Variants in CCSER1 observed in about 807,000 individuals in gnomAD.
CCSER1 encodes the protein coiled-coil serine rich protein 1.
CCSER1 carries 41 observed loss-of-function variants against 82.0 expected under a neutral mutation model. That is an observed-to-expected ratio of 0.50 (90% CI 0.39 to 0.65). CCSER1 has a LOEUF of 0.65. Ranked by LOEUF, CCSER1 falls within the 30% of genes least tolerant of loss-of-function variation. The pLI is 0.00. For missense variants in CCSER1, 1,119 were observed against 1,064.2 expected, an observed-to-expected ratio of 1.05 and a Z score of -0.72; for synonymous variants, 414 against 383.9, an observed-to-expected ratio of 1.08 and a Z score of -0.92.
At chr4:91,454,241 G>T (rs942102752) in intron 10 of CCSER1, among the ~76,000 whole-genome samples, 3 of 152,056 alleles carry the variant, frequency 2.0e-5, no homozygotes, top group African/African-American at 7.2e-5. Flanking sequence ...GGAAAAATCA[G>T]TATGACTGCA....
At chr4:91,001,030 C>T (rs1737988170) in intron 9 of CCSER1, among the ~76,000 whole-genome samples, 1 of 151,980 alleles carries the variant, frequency 6.6e-6, no homozygotes, top group African/African-American at 2.4e-5. Context: ...TTTGCCCTTT[C>T]ACTTGGCTGT....
chr4:90,797,515 G>C (rs960480297), intron 7 of CCSER1, among the ~76,000 whole-genome samples: 6 of 152,104 alleles, frequency 3.9e-5, no homozygotes, highest in African/African-American at 1.4e-4. Context: ...ATTTGATTCT[G>C]TTATGATGTT....
At chr4:91,579,317 AGTG>A (rs1763615308) in intron 10 of CCSER1, among the ~76,000 whole-genome samples, 1 of 151,504 alleles carries the variant, frequency 6.6e-6, no homozygotes, top group Non-Finnish European at 1.5e-5. Flanking sequence ...TAGGACTCCT[AGTG>A]TACCCATCAC....
chr4:90,602,655 T>C (rs1385598095), intron 5 of CCSER1, among the ~76,000 whole-genome samples: 1 of 152,214 alleles, frequency 6.6e-6, no homozygotes, highest in Non-Finnish European at 1.5e-5. Context: ...CAAGTGGATT[T>C]AGACAGTTTA....
At chr4:91,099,338 G>A (rs1200341978) in intron 10 of CCSER1, among the ~76,000 whole-genome samples, 1 of 152,134 alleles carries the variant, frequency 6.6e-6, no homozygotes, top group South Asian at 2.1e-4. Flanking sequence ...GATGAACAGT[G>A]TGAATTTAAG....
chr4:90,317,236 TA>T (rs1165408933), intron 3 of CCSER1, among the ~76,000 whole-genome samples: 2 of 152,136 alleles, frequency 1.3e-5, no homozygotes, highest in Admixed American at 1.3e-4. Context: ...GATTCATATA[TA>T]ATGAACAATA....
chr4:90,688,958 A>C (rs1399334093), intron 6 of CCSER1, among the ~76,000 whole-genome samples: 2 of 152,270 alleles, frequency 1.3e-5, no homozygotes, highest in East Asian at 3.9e-4. Context: ...TAGCTGATAT[A>C]CATATATCTG....
intron 5 of CCSER1, among the ~76,000 whole-genome samples, chr4:90,563,919 C>G (rs1560725653): frequency 6.6e-6 from 1 of 152,206 alleles, no homozygotes; most frequent in Non-Finnish European, 1.5e-5. Context: ...GCTAGCGTTG[C>G]CTTTTCTCTA....
intron 10 of CCSER1, among the ~76,000 whole-genome samples, chr4:91,358,972 G>T (rs111574321): frequency 3.3e-5 from 5 of 152,024 alleles, no homozygotes; most frequent in African/African-American, 1.2e-4. Context: ...AGGACGAGCC[G>T]CAGACAAAAC....
chr4:90,355,490 T>C (rs1465381439), intron 3 of CCSER1, among the ~76,000 whole-genome samples: 1 of 152,026 alleles, frequency 6.6e-6, no homozygotes, highest in African/African-American at 2.4e-5. Flanking sequence ...GTAAGCATTA[T>C]GTATATAAAA....
Position 90,789,681 on chromosome 4 carries a change from G to A in CCSER1, c.2011-26081G>A, listed in dbSNP as rs141017264. ...ATGAAATCTGACAGTTTTAAAAAGG[G>A]GAGTTCACCTGCACTAGCTCTTTCT... On this transcript the variant is annotated intron_variant, in intron 7 of 10. Coordinates refer to ENST00000509176, the MANE Select transcript of CCSER1 (RefSeq NM_001145065.2). Among the ~76,000 whole-genome samples the A allele has an allele frequency of 2.4e-3, 363 of 152,176 alleles. 2 individuals carry two copies. The highest frequency in any genetic ancestry group is 8.3e-3 in the African/African-American group (345 of 41,508).
At position 90,865,956 on chromosome 4, in the gene CCSER1, G is replaced by A. The variant is rs1765680045; in HGVS notation, c.2094+50111G>A. On this transcript the variant is annotated intron_variant, in intron 8 of 10. Transcript: ENST00000509176. ...TTTCAATCATGCTGAAAGGTGAAGGGGAAGCAGGCATGTCTTACATGGTCA... is the reference window on the plus strand; with the variant it reads ...TTTCAATCATGCTGAAAGGTGAAGGAGAAGCAGGCATGTCTTACATGGTCA... Among the ~76,000 whole-genome samples the A allele has an allele frequency of 2.0e-5, 3 of 152,066 alleles. No homozygotes were observed. In the South Asian group the frequency reaches 6.2e-4, roughly 31 times the overall value.
At chr4:91,557,226 T>C (rs77798247) in intron 10 of CCSER1, among the ~76,000 whole-genome samples, 10,564 of 151,372 alleles carry the variant, frequency 0.07, 553 homozygotes, top group South Asian at 0.16. Context: ...TATCCACGTA[T>C]ACAAGTCAAT....
intron 9 of CCSER1, among the ~76,000 whole-genome samples, chr4:90,977,047 T>C (rs2150411700): frequency 6.6e-6 from 1 of 151,750 alleles, no homozygotes; most frequent in Non-Finnish European, 1.5e-5. Context: ...AAAAAATTTG[T>C]TTAAAATGCT....
chr4:91,548,416 G>A (rs560454321), intron 10 of CCSER1, among the ~76,000 whole-genome samples: 1 of 152,070 alleles, frequency 6.6e-6, no homozygotes, highest in South Asian at 2.1e-4. Flanking sequence ...TGCAAAATAA[G>A]TTTTTATTTT....
intron 10 of CCSER1, among the ~76,000 whole-genome samples, chr4:91,245,085 A>G (rs185539945): frequency 6.6e-6 from 1 of 152,180 alleles, no homozygotes; most frequent in East Asian, 1.9e-4. Flanking sequence ...TTGGAAATAC[A>G]TGGTCAGAGG....
intron 4 of CCSER1, among the ~76,000 whole-genome samples, chr4:90,427,983 C>T (rs1004655747): frequency 1.3e-5 from 2 of 151,650 alleles, no homozygotes; most frequent in Non-Finnish European, 3.0e-5. Flanking sequence ...ATTGATGGGT[C>T]CTGCTTGACA....
At chr4:91,510,954 G>A (rs187925239) in intron 10 of CCSER1, among the ~76,000 whole-genome samples, 1 of 152,224 alleles carries the variant, frequency 6.6e-6, no homozygotes, top group East Asian at 1.9e-4. Context: ...GATTTTCATA[G>A]TTTGAGGTCT....
intron 8 of CCSER1, among the ~76,000 whole-genome samples, chr4:90,916,369 A>C (rs1385662472): frequency 1.3e-5 from 2 of 152,194 alleles, no homozygotes; most frequent in Admixed American, 1.3e-4. Context: ...ACATATCTAC[A>C]ACTATCTGAT....
Sources: allele counts gnomAD v4.1 joint callset (sites outside exome capture counted in the v4.1 genomes callset), GRCh38; gene constraint gnomAD v4.1.1; transcripts MANE v1.5; gene names NCBI Gene and HGNC (gene_info 2026-07-23, HGNC 2026-07-21).